TRMT10B: variants seen among roughly 807,000 people sequenced by gnomAD.
TRMT10B encodes the protein tRNA methyltransferase 10 homolog B.
Under a neutral mutation model 43.8 loss-of-function variants are expected in TRMT10B, and 33 were observed. That is an observed-to-expected ratio of 0.75 (90% CI 0.57 to 1.01). TRMT10B has a LOEUF of 1.01. TRMT10B is among the 50% of genes least tolerant of loss of function. TRMT10B has a pLI of 0.00. For missense variants in TRMT10B, 362 were observed against 369.8 expected, an observed-to-expected ratio of 0.98 and a Z score of 0.17; for synonymous variants, 137 against 130.6, an observed-to-expected ratio of 1.05 and a Z score of -0.34.
intron 4 of TRMT10B, among the ~76,000 whole-genome samples, chr9:37,764,344 CA>C: frequency 8.3e-6 from 1 of 120,790 alleles, no homozygotes; most frequent in African/African-American, 3.2e-5. Flanking sequence ...TTTTTGGAGA[CA>C]GAGTCTCACT....
chr9:37,772,104 T>C (rs1827656633), intron 7 of TRMT10B, among the ~76,000 whole-genome samples: 1 of 152,156 alleles, frequency 6.6e-6, no homozygotes, highest in Non-Finnish European at 1.5e-5. Context: ...CGCAATCTCA[T>C]GGGCTCATTT....
At chr9:37,771,429 T>C (rs1208509783) in intron 7 of TRMT10B, among the ~76,000 whole-genome samples, 1 of 151,014 alleles carries the variant, frequency 6.6e-6, no homozygotes, top group Admixed American at 6.6e-5. Context: ...TGTTTGTGGG[T>C]ATATTTTACA....
chr9:37,770,740 G>T lies in TRMT10B; in HGVS notation c.720+1G>T, dbSNP rs760234389. ...GCTTGTGGATGAAAGCATTCAGAAG[G>T]TAAGTATACATTTCAGCCCCAACAT... is the stretch of plus-strand genomic sequence containing the variant. On this transcript the variant is annotated splice_donor_variant, in intron 7 of 8. Transcript: ENST00000297994. LOFTEE classifies it high-confidence loss of function. The T allele has an allele frequency of 6.2e-7, 1 of 1,613,692 alleles. No homozygotes were observed. Among genetic ancestry groups the T allele is most frequent in the South Asian group, 1.1e-5 (1 of 90,964 alleles).
rs11306620 is a variant in TRMT10B, at chr9:37,777,194, C to CAAAAA, written c.845-373_845-369dup. 2.7e-4 allele frequency among the ~76,000 whole-genome samples: 8 copies of CAAAAA among 29,984 alleles called. 1 individual carries two copies. Among genetic ancestry groups the CAAAAA allele is most frequent in the African/African-American group, 8.4e-4 (6 of 7,102 alleles). The allele number at this position is 29,984 out of a possible 152,430, so 19.7% of individuals were successfully genotyped here. A position where few individuals can be genotyped will look rare whatever the true frequency, so the allele number is the denominator to read the frequency against. Reference sequence around the variant, plus strand: ...GAGCAACAAGAGTGCAACTCCGCCTCAAAAAAAAAAAAAAAAAAAAAAAAA... The same window carrying CAAAAA: ...GAGCAACAAGAGTGCAACTCCGCCTCAAAAAAAAAAAAAAAAAAAAAAAAAAAAAA... On this transcript the variant is annotated intron_variant, in intron 8 of 8. Transcript: ENST00000297994.
intron 7 of TRMT10B, among the ~76,000 whole-genome samples, chr9:37,772,417 G>A (rs1381381231): frequency 6.6e-6 from 1 of 151,636 alleles, no homozygotes; most frequent in Admixed American, 6.6e-5. Flanking sequence ...CTCCCAAATT[G>A]CTGGGATTAC....
chr9:37,762,006 G>A lies in TRMT10B; in HGVS notation c.75G>A (p.Glu25=), dbSNP rs377489136. ...TGCAGGGGCAAGAAGGCATCCTAGAGGAGACAGGTGAAGATGGACTTCCTG... is the reference window on the plus strand; with the variant it reads ...TGCAGGGGCAAGAAGGCATCCTAGAAGAGACAGGTGAAGATGGACTTCCTG... ...PVLQGQEGIL[E]ETGEDGLPEG... is the part of the protein sequence containing the mutation. Residue 25 remains glutamate, a synonymous_variant, in exon 2 of 9, where the codon GAG becomes GAA. Coordinates refer to ENST00000297994, the MANE Select transcript of TRMT10B (RefSeq NM_144964.4). The A allele has an allele frequency of 3.1e-6, 5 of 1,614,120 alleles. No individual in the cohort carries two copies. The highest frequency in any genetic ancestry group is 4.2e-6 in the Non-Finnish European group (5 of 1,180,002).
intron 7 of TRMT10B, among the ~76,000 whole-genome samples, chr9:37,775,568 C>T (rs1828048079): frequency 6.6e-6 from 1 of 152,166 alleles, no homozygotes. Context: ...TCTCCTCTGT[C>T]ACCCAGGCTG....
chr9:37,763,636 C>T lies in TRMT10B; in HGVS notation c.303C>T (p.Cys101=), dbSNP rs775298878. Residue 101 remains cysteine, a synonymous_variant, in exon 4 of 9, where the codon TGC becomes TGT. Transcript: ENST00000297994. ...KANRAENPGI[C]PQHSKRFLRA... is the part of the protein sequence containing the mutation. ...CTGATATTTCTGCTTTAGGCATTTG[C>T]CCCCAGCACAGCAAACGTTTCCTGA... The T allele has an allele frequency of 6.2e-7, 1 of 1,613,738 alleles. No homozygotes were observed. The highest frequency in any genetic ancestry group is 8.5e-7 in the Non-Finnish European group (1 of 1,179,828).
At chr9:37,756,160 C>T (rs779446936) in intron 1 of TRMT10B, among the ~76,000 whole-genome samples, 14 of 152,154 alleles carry the variant, frequency 9.2e-5, no homozygotes, top group African/African-American at 2.9e-4. Context: ...GGTAAAAATA[C>T]AAAATGCTAT....
intron 6 of TRMT10B, among the ~76,000 whole-genome samples, chr9:37,770,342 T>A (rs974125510): frequency 6.6e-6 from 1 of 152,200 alleles, no homozygotes; most frequent in East Asian, 1.9e-4. Flanking sequence ...TCCTAGAAAA[T>A]CATTCATTTC....
At chr9:37,772,905 G>A (rs1291032244) in intron 7 of TRMT10B, among the ~76,000 whole-genome samples, 1 of 152,212 alleles carries the variant, frequency 6.6e-6, no homozygotes, top group African/African-American at 2.4e-5. Flanking sequence ...TCTGTATTGA[G>A]AGGAAAGCTT....
At chr9:37,763,574 A>G in intron 3 of TRMT10B, 55 bp from the exon 4 acceptor site, 1 of 1,510,924 alleles carries the variant, frequency 6.6e-7, no homozygotes, top group East Asian at 2.3e-5. Context: ...TTTGTTTCTT[A>G]TATAATATTC....
rs915249421 is a variant in TRMT10B, at chr9:37,777,723, A to G, written c.*16A>G. 2 of 1,605,068 alleles carry G rather than the reference A, an allele frequency of 1.2e-6. No homozygotes were observed. The highest frequency in any genetic ancestry group is 2.7e-5 in the African/African-American group (2 of 74,706). ...AGTGGAATGATGGGCCTAAGATTGC[A>G]GCTGCGTGGCCAGGTGCTCACGCCG... On this transcript the variant is annotated 3_prime_UTR_variant, in exon 9 of 9. Coordinates refer to ENST00000297994, the MANE Select transcript of TRMT10B (RefSeq NM_144964.4).
At chr9:37,771,580 T>C (rs1364899571) in intron 7 of TRMT10B, among the ~76,000 whole-genome samples, 4 of 152,360 alleles carry the variant, frequency 2.6e-5, no homozygotes, top group African/African-American at 9.6e-5. Context: ...TCATCTAAAA[T>C]ACGAGCAGGG....
intron 8 of TRMT10B, among the ~76,000 whole-genome samples, chr9:37,777,194 C>CAAAAAAA (rs11306620): frequency 5.0e-4 from 15 of 29,982 alleles, no homozygotes; most frequent in African/African-American, 8.5e-4. Context: ...AACTCCGCCT[C>CAAAAAAA]AAAAAAAAAA....
At chr9:37,768,355 C>G (rs978655899) in intron 5 of TRMT10B, 127 bp downstream of exon 5, 2 of 1,057,926 alleles carry the variant, frequency 1.9e-6, no homozygotes, top group Non-Finnish European at 1.3e-6. Context: ...TTCAGAACCT[C>G]TCATAAGTTC....
rs1827608540 is a variant in TRMT10B at position 37,771,774 on chromosome 9, G to A, written c.720+1035G>A. On this transcript the variant is annotated intron_variant, in intron 7 of 8. Coordinates refer to ENST00000297994, the MANE Select transcript of TRMT10B (RefSeq NM_144964.4). ...GGCAAAGATTTAACATTACAGTAAAGCATTCTGGTGGTCACCATCTTATCC... is the reference window on the plus strand; with the variant it reads ...GGCAAAGATTTAACATTACAGTAAAACATTCTGGTGGTCACCATCTTATCC... 2.0e-5 allele frequency among the ~76,000 whole-genome samples: 3 copies of A among 152,142 alleles called. No homozygotes were observed. In the South Asian group the frequency reaches 6.2e-4, roughly 31 times the overall value.
At position 37,765,254 on chromosome 9, in the gene TRMT10B, C is replaced by T. The variant is rs139927123; in HGVS notation, c.420+1501C>T. On this transcript the variant is annotated intron_variant, in intron 4 of 8. Coordinates refer to ENST00000297994, the MANE Select transcript of TRMT10B (RefSeq NM_144964.4). ...TAATGCTGTCCTTCCCCCCGTCCCCCGACCCCACAACAGTCCCTGGTGTGT... is the reference window on the plus strand; with the variant it reads ...TAATGCTGTCCTTCCCCCCGTCCCCTGACCCCACAACAGTCCCTGGTGTGT... Among the ~76,000 whole-genome samples the T allele has an allele frequency of 1.4e-3, 220 of 152,236 alleles. 2 individuals carry two copies. The highest frequency in any genetic ancestry group is 2.6e-3 in the Non-Finnish European group (176 of 68,016).
chr9:37,770,130 C>T (rs1827408554), intron 6 of TRMT10B, 111 bp downstream of exon 6: 1 of 940,674 alleles, frequency 1.1e-6, no homozygotes, highest in Non-Finnish European at 1.7e-6. Context: ...CCCACCCCCA[C>T]AAAAAGTAAT....
Sources: gnomAD v4.1 joint callset for allele counts (sites outside exome capture counted in the v4.1 genomes callset) on GRCh38, gnomAD v4.1.1 for gene constraint, MANE v1.5 for transcripts, NCBI Gene and HGNC (gene_info 2026-07-23, HGNC 2026-07-21) for gene names.